The following POU6F2 variants were observed in gnomAD, a reference collection of about 807,000 sequenced individuals.
The protein encoded by POU6F2 is POU domain, class 6, transcription factor 2.
POU6F2 carries 31 observed loss-of-function variants against 71.3 expected under a neutral mutation model. The observed-to-expected ratio is 0.43, with a 90% CI of 0.33 to 0.59. The LOEUF is 0.59. Ranked by LOEUF, POU6F2 falls within the 20% of genes least tolerant of loss-of-function variation. POU6F2 has a pLI of 0.04. For synonymous variants in POU6F2, 347 were observed against 355.7 expected (o/e 0.98, Z 0.27); for missense variants, 783 against 856.8 (o/e 0.91, Z 1.07).
chr7:39,008,614 T>A (rs1237964983), intron 1 of POU6F2, among the ~76,000 whole-genome samples: 1 of 151,548 alleles, frequency 6.6e-6, no homozygotes, highest in Non-Finnish European at 1.5e-5. Context: ...ATGTCCTGAA[T>A]GGTAATGCCT....
chr7:39,061,113 A>G (rs1790647207), intron 1 of POU6F2, among the ~76,000 whole-genome samples: 1 of 152,176 alleles, frequency 6.6e-6, no homozygotes, highest in South Asian at 2.1e-4. Context: ...TTTTTATTAA[A>G]AATTATATTT....
At chr7:39,228,378 C>A (rs62443967) in intron 4 of POU6F2, among the ~76,000 whole-genome samples, 19,276 of 152,050 alleles carry the variant, frequency 0.13, 1,237 homozygotes, top group Middle Eastern at 0.15. Flanking sequence ...TTGTTGTTTT[C>A]TTGAAGTAGA....
intron 7 of POU6F2, among the ~76,000 whole-genome samples, chr7:39,450,085 GTTTAT>G (rs1016263503): frequency 1.3e-5 from 2 of 152,164 alleles, no homozygotes; most frequent in Admixed American, 1.3e-4. Flanking sequence ...TTTAAAATGG[GTTTAT>G]TTTATTATGT....
intron 1 of POU6F2, among the ~76,000 whole-genome samples, chr7:38,997,603 C>T (rs180676924): frequency 1.3e-5 from 2 of 152,246 alleles, no homozygotes; most frequent in Admixed American, 1.3e-4. Flanking sequence ...GGGGATTACC[C>T]CCTATGTAGA....
At chr7:39,104,877 CT>C (rs1562707735) in intron 2 of POU6F2, among the ~76,000 whole-genome samples, 1 of 152,194 alleles carries the variant, frequency 6.6e-6, no homozygotes, top group Non-Finnish European at 1.5e-5. Flanking sequence ...TGGATAAGAT[CT>C]TGTTTGAAGC....
chr7:39,393,369 G>T (rs1787112034), intron 5 of POU6F2, among the ~76,000 whole-genome samples: 1 of 152,130 alleles, frequency 6.6e-6, no homozygotes, highest in Non-Finnish European at 1.5e-5. Flanking sequence ...GCACGGGTGT[G>T]GCAGATACTC....
intron 8 of POU6F2, 119 bp downstream of exon 8, chr7:39,451,820 C>T: frequency 2.3e-6 from 3 of 1,277,726 alleles, no homozygotes; most frequent in Non-Finnish European, 3.2e-6. Context: ...CAACCCTGCA[C>T]AGGAATTTCC....
intron 1 of POU6F2, among the ~76,000 whole-genome samples, chr7:39,081,934 A>G (rs1183033299): frequency 6.6e-6 from 1 of 152,164 alleles, no homozygotes; most frequent in Non-Finnish European, 1.5e-5. Context: ...CAGCTTTACC[A>G]CTTAGCTGCG....
chr7:39,222,626 C>A (rs1381531208), intron 4 of POU6F2, among the ~76,000 whole-genome samples: 1 of 152,186 alleles, frequency 6.6e-6, no homozygotes, highest in Admixed American at 6.5e-5. Flanking sequence ...AATTTGACCA[C>A]TCTGGGTACC....
intron 9 of POU6F2, among the ~76,000 whole-genome samples, chr7:39,463,257 C>T (rs1437079482): frequency 6.6e-6 from 1 of 152,176 alleles, no homozygotes; most frequent in African/African-American, 2.4e-5. Context: ...GTCCAAGACG[C>T]TTCATATTTT....
intron 1 of POU6F2, among the ~76,000 whole-genome samples, chr7:39,014,199 C>A (rs1789410840): frequency 6.6e-6 from 1 of 152,110 alleles, no homozygotes; most frequent in South Asian, 2.1e-4. Context: ...ACTTAAAAGC[C>A]AATGTTTAGC....
At chr7:39,383,337 C>T (rs1044410626) in intron 5 of POU6F2, among the ~76,000 whole-genome samples, 4 of 152,150 alleles carry the variant, frequency 2.6e-5, no homozygotes, top group African/African-American at 9.7e-5. Flanking sequence ...TGATTCATGC[C>T]TCTAGGAACC....
chr7:39,410,365 C>A (rs920352628), intron 6 of POU6F2, among the ~76,000 whole-genome samples: 8 of 152,168 alleles, frequency 5.3e-5, no homozygotes, highest in African/African-American at 1.9e-4. Context: ...GTTAAAGGCT[C>A]TAAAGTTATA....
chr7:39,212,174 G>A (rs1266832178), intron 4 of POU6F2, among the ~76,000 whole-genome samples: 1 of 152,174 alleles, frequency 6.6e-6, no homozygotes, highest in Non-Finnish European at 1.5e-5. Context: ...GGTGGGAAGT[G>A]GGAAGCCAGA....
At chr7:39,007,093 T>G (rs1285413509) in intron 1 of POU6F2, among the ~76,000 whole-genome samples, 1 of 152,218 alleles carries the variant, frequency 6.6e-6, no homozygotes, top group African/African-American at 2.4e-5. Flanking sequence ...GGCATTACAG[T>G]TTGTTTTACT....
chr7:39,353,171 G>T (rs1786174500), intron 5 of POU6F2, among the ~76,000 whole-genome samples: 1 of 152,232 alleles, frequency 6.6e-6, no homozygotes, highest in Non-Finnish European at 1.5e-5. Flanking sequence ...GATTGGACGG[G>T]CAGGTCCTGC....
At chr7:39,355,863 A>C (rs776699771) in intron 5 of POU6F2, among the ~76,000 whole-genome samples, 9 of 152,194 alleles carry the variant, frequency 5.9e-5, no homozygotes, top group Non-Finnish European at 1.2e-4. Context: ...CTAAAGAGAA[A>C]GTGAAAGGGA....
intron 2 of POU6F2, among the ~76,000 whole-genome samples, chr7:39,126,000 T>C (rs1792131166): frequency 6.6e-6 from 1 of 152,220 alleles, no homozygotes; most frequent in African/African-American, 2.4e-5. Flanking sequence ...CCCATGCAGC[T>C]AATGACTGAA....
intron 6 of POU6F2, among the ~76,000 whole-genome samples, chr7:39,420,176 A>T (rs1432472703): frequency 6.6e-6 from 1 of 152,210 alleles, no homozygotes; most frequent in East Asian, 1.9e-4. Context: ...GAATTTGAAG[A>T]TTTTCTTGCA....
Sources: allele counts gnomAD v4.1 joint callset (sites outside exome capture counted in the v4.1 genomes callset), GRCh38; gene constraint gnomAD v4.1.1; transcripts MANE v1.5; gene names NCBI Gene and HGNC (gene_info 2026-07-23, HGNC 2026-07-21).